Variants in FBXL7 observed in about 807,000 individuals in gnomAD.
FBXL7 encodes F-box and leucine rich repeat protein 7.
A neutral mutation model predicts 38.3 loss-of-function variants in FBXL7; 12 were observed. The ratio of observed to expected loss-of-function variants is 0.31; its 90% CI spans 0.20 to 0.51. The LOEUF is 0.51. Ranked by LOEUF, FBXL7 falls within the 20% of genes least tolerant of loss-of-function variation. The pLI, the probability that FBXL7 is intolerant of heterozygous loss-of-function variation, is 0.98. For missense variants in FBXL7, 567 were observed against 676.4 expected, an observed-to-expected ratio of 0.84 and a Z score of 1.79; for synonymous variants, 297 against 300.9, an observed-to-expected ratio of 0.99 and a Z score of 0.13.
At chr5:15,634,801 T>C (rs867574007) in intron 2 of FBXL7, among the ~76,000 whole-genome samples, 1 of 152,184 alleles carries the variant, frequency 6.6e-6, no homozygotes, top group African/African-American at 2.4e-5. Flanking sequence ...TCATTCCTTG[T>C]CTTTCCCATC....
intron 1 of FBXL7, among the ~76,000 whole-genome samples, chr5:15,519,890 G>A (rs2126372216): frequency 6.6e-6 from 1 of 152,298 alleles, no homozygotes; most frequent in South Asian, 2.1e-4. Flanking sequence ...TTCAGGGCGA[G>A]TCCATACATT....
intron 2 of FBXL7, among the ~76,000 whole-genome samples, chr5:15,716,100 A>G (rs1456963415): frequency 3.3e-5 from 5 of 152,156 alleles, no homozygotes; most frequent in Non-Finnish European, 7.3e-5. Flanking sequence ...TATTTCATCA[A>G]ACAATGTCTA....
intron 2 of FBXL7, among the ~76,000 whole-genome samples, chr5:15,745,336 A>G (rs1174098984): frequency 6.6e-6 from 1 of 152,246 alleles, no homozygotes; most frequent in African/African-American, 2.4e-5. Flanking sequence ...TGCTTGAAAT[A>G]AAGCAATTTA....
At chr5:15,855,649 T>G (rs1363517049) in intron 2 of FBXL7, among the ~76,000 whole-genome samples, 1 of 152,216 alleles carries the variant, frequency 6.6e-6, no homozygotes, top group Admixed American at 6.5e-5. Context: ...ATATTTCTAT[T>G]TTTAAACTAT....
At chr5:15,832,579 A>G (rs1237119033) in intron 2 of FBXL7, among the ~76,000 whole-genome samples, 1 of 152,190 alleles carries the variant, frequency 6.6e-6, no homozygotes, top group East Asian at 1.9e-4. Context: ...TAGTTTAAGG[A>G]GGTTTTGCAA....
chr5:15,545,161 C>T (rs1017712856), intron 1 of FBXL7, among the ~76,000 whole-genome samples: 4 of 152,130 alleles, frequency 2.6e-5, no homozygotes, highest in African/African-American at 7.2e-5. Flanking sequence ...ACATTGGACC[C>T]GTATTTCACA....
At chr5:15,831,762 A>G (rs1322066229) in intron 2 of FBXL7, among the ~76,000 whole-genome samples, 1 of 151,998 alleles carries the variant, frequency 6.6e-6, no homozygotes, top group African/African-American at 2.4e-5. Flanking sequence ...AGTGGAGGGG[A>G]GGGAAGGGGC....
intron 1 of FBXL7, among the ~76,000 whole-genome samples, chr5:15,521,520 G>C (rs1737096123): frequency 6.6e-6 from 1 of 152,206 alleles, no homozygotes; most frequent in African/African-American, 2.4e-5. Flanking sequence ...GCATTGTCTA[G>C]TCTAGCCCTT....
chr5:15,718,173 T>C (rs958654322), intron 2 of FBXL7, among the ~76,000 whole-genome samples: 1 of 152,174 alleles, frequency 6.6e-6, no homozygotes, highest in Non-Finnish European at 1.5e-5. Flanking sequence ...CACAGCCGTG[T>C]ATATATGTAA....
chr5:15,517,212 G>C (rs1561012261), intron 1 of FBXL7, among the ~76,000 whole-genome samples: 1 of 151,978 alleles, frequency 6.6e-6, no homozygotes, highest in African/African-American at 2.4e-5. Context: ...ATTTTTAGTA[G>C]AGACGGGGTT....
At chr5:15,753,131 C>T (rs540355603) in intron 2 of FBXL7, among the ~76,000 whole-genome samples, 1 of 151,980 alleles carries the variant, frequency 6.6e-6, no homozygotes, top group Non-Finnish European at 1.5e-5. Context: ...AGGGAGCAGG[C>T]GGGGGCTGGA....
At chr5:15,586,228 ACTCC>A (rs1739299081) in intron 1 of FBXL7, among the ~76,000 whole-genome samples, 1 of 139,450 alleles carries the variant, frequency 7.2e-6, no homozygotes, top group Admixed American at 7.2e-5. Flanking sequence ...TCATGTCTTA[ACTCC>A]CTCCCTTTTA....
chr5:15,713,407 C>G (rs1743940927), intron 2 of FBXL7, among the ~76,000 whole-genome samples: 1 of 152,136 alleles, frequency 6.6e-6, no homozygotes, highest in South Asian at 2.1e-4. Context: ...GGGGACACAG[C>G]CAAACCATAT....
chr5:15,608,800 G>T (rs1580402479), intron 1 of FBXL7, among the ~76,000 whole-genome samples: 1 of 152,158 alleles, frequency 6.6e-6, no homozygotes, highest in South Asian at 2.1e-4. Context: ...AACAATTCAA[G>T]TTTAAAAAAT....
At chr5:15,742,304 G>T (rs1355023133) in intron 2 of FBXL7, among the ~76,000 whole-genome samples, 1 of 152,176 alleles carries the variant, frequency 6.6e-6, no homozygotes, top group East Asian at 1.9e-4. Flanking sequence ...TGGGGAAGGA[G>T]CAAACACATC....
At chr5:15,919,957 G>C (rs912945983) in intron 2 of FBXL7, among the ~76,000 whole-genome samples, 4 of 152,110 alleles carry the variant, frequency 2.6e-5, no homozygotes, top group African/African-American at 4.8e-5. Context: ...AAAGGAGGTG[G>C]GGTAAAAATA....
chr5:15,845,222 T>C (rs1738861318), intron 2 of FBXL7, among the ~76,000 whole-genome samples: 1 of 152,248 alleles, frequency 6.6e-6, no homozygotes. Flanking sequence ...GACAATTTCC[T>C]TATGCTGGTA....
At position 15,838,332 on chromosome 5, in the gene FBXL7, T is replaced by C. The variant is rs376616430; in HGVS notation, c.128-89558T>C. On this transcript the variant is annotated intron_variant, in intron 2 of 3. Transcript: ENST00000504595. ...TGCCTAGTAACAGCTCAATTCCTCA[T>C]AGATGGCCATCATCTCATTGTGTCC... Among the ~76,000 whole-genome samples the C allele has an allele frequency of 6.6e-5, 10 of 152,292 alleles. No individual in the cohort carries two copies. In the South Asian group the frequency reaches 1.9e-3, roughly 28 times the overall value.
chr5:15,777,879 G>T (rs1736898358), intron 2 of FBXL7, among the ~76,000 whole-genome samples: 1 of 151,930 alleles, frequency 6.6e-6, no homozygotes. Flanking sequence ...ATTGAGGAAA[G>T]TGGAAAACAA....
Sources: gnomAD v4.1 joint callset for allele counts (sites outside exome capture counted in the v4.1 genomes callset) on GRCh38, gnomAD v4.1.1 for gene constraint, MANE v1.5 for transcripts, NCBI Gene and HGNC (gene_info 2026-07-23, HGNC 2026-07-21) for gene names.